PRKCA: variants seen among roughly 807,000 people sequenced by gnomAD.
PRKCA encodes protein kinase C alpha, also known as protein kinase C alpha type.
In PRKCA, 27 loss-of-function variants were observed where a neutral mutation model predicts 87.0. That is an observed-to-expected ratio of 0.31 (90% CI 0.23 to 0.43). PRKCA has a LOEUF of 0.43. Among genes scored for constraint, PRKCA ranks in the 20% least tolerant of loss-of-function variants. PRKCA has a pLI of 1.00. For synonymous variants in PRKCA, 329 were observed against 311.1 expected, an observed-to-expected ratio of 1.06 and a Z score of -0.61; for missense variants, 518 against 852.3, an observed-to-expected ratio of 0.61 and a Z score of 4.88.
intron 5 of PRKCA, among the ~76,000 whole-genome samples, chr17:66,670,880 A>T (rs1567967335): frequency 6.6e-6 from 1 of 152,074 alleles, no homozygotes; most frequent in Non-Finnish European, 1.5e-5. Context: ...ATTTAAAAAA[A>T]TTATAGAAAA....
chr17:66,623,211 C>T (rs192881771), intron 3 of PRKCA, among the ~76,000 whole-genome samples: 1 of 152,268 alleles, frequency 6.6e-6, no homozygotes, highest in East Asian at 1.9e-4. Flanking sequence ...TAGAATTTTC[C>T]TCAGTGGATA....
chr17:66,791,776 A>G (rs4791037), intron 16 of PRKCA, among the ~76,000 whole-genome samples: 19,654 of 152,222 alleles, frequency 0.13, 2,341 homozygotes, highest in African/African-American at 0.31. Flanking sequence ...AAAAGCAACC[A>G]AAGTCGAAGC....
chr17:66,368,341 T>C (rs1598619527), intron 2 of PRKCA, among the ~76,000 whole-genome samples: 1 of 1,306 alleles, frequency 7.7e-4, no homozygotes, highest in Non-Finnish European at 2.4e-3. Context: ...TGTATATATG[T>C]GTGTGTGTGT....
intron 5 of PRKCA, among the ~76,000 whole-genome samples, chr17:66,673,528 A>G (rs1972248500): frequency 6.6e-6 from 1 of 152,206 alleles, no homozygotes; most frequent in African/African-American, 2.4e-5. Flanking sequence ...TGTCTCTGGT[A>G]ATAAGGAAAC....
intron 3 of PRKCA, among the ~76,000 whole-genome samples, chr17:66,581,681 T>C (rs1404489848): frequency 2.0e-5 from 3 of 152,116 alleles, no homozygotes. Flanking sequence ...TTCACCGTTT[T>C]AGCCAGGATG....
chr17:66,436,735 G>A (rs1913414193), intron 2 of PRKCA, among the ~76,000 whole-genome samples: 1 of 152,182 alleles, frequency 6.6e-6, no homozygotes, highest in Non-Finnish European at 1.5e-5. Flanking sequence ...TACCTCTGTG[G>A]ATTGGTGGGA....
intron 4 of PRKCA, among the ~76,000 whole-genome samples, chr17:66,642,010 C>G (rs1017299235): frequency 6.6e-6 from 1 of 152,050 alleles, no homozygotes; most frequent in African/African-American, 2.4e-5. Flanking sequence ...TAGCCTGGCT[C>G]AAAACGCTGA....
intron 3 of PRKCA, among the ~76,000 whole-genome samples, chr17:66,628,091 G>T (rs1970908935): frequency 6.6e-6 from 1 of 151,682 alleles, no homozygotes; most frequent in South Asian, 2.1e-4. Context: ...TGTAAAACTG[G>T]TTACTGGCAA....
In PRKCA at chr17:66,805,082, A is replaced by G. The variant is rs998428433; in HGVS notation, c.*1045A>G. On this transcript the variant is annotated 3_prime_UTR_variant, in exon 17 of 17. Coordinates refer to ENST00000413366, the MANE Select transcript of PRKCA (RefSeq NM_002737.3). ...AGTGCTGACTCTAGCATCAGCCTCT[A>G]CCGATTGATTTTCCTCCCTTCTCTA... 5.1e-6 allele frequency: 5 copies of G among 983,172 alleles called. No homozygotes were observed. Among genetic ancestry groups the G allele is most frequent in the Non-Finnish European group, 6.0e-6 (5 of 827,984 alleles). 60.9% of individuals were successfully genotyped at this position (983,172 alleles called of 1,614,324 possible). A position where few individuals can be genotyped will look rare whatever the true frequency, so the allele number is the denominator to read the frequency against.
At position 66,700,116 on chromosome 17, in the gene PRKCA, AG is replaced by A. The variant is rs1406964990; in HGVS notation, c.918+11071del. 5.3e-5 allele frequency among the ~76,000 whole-genome samples: 8 copies of A among 152,252 alleles called. No homozygotes were observed. The East Asian group carries it at 1.5e-3, about 29-fold the overall frequency. ...ATTTAAAGGATGATATGCTGTGATC[AG>A]GTGGGATTTATTCCTGTGATACAAG... On this transcript the variant is annotated intron_variant, in intron 8 of 16. Transcript: ENST00000413366.
At chr17:66,448,320 AATG>A (rs758425871) in intron 2 of PRKCA, among the ~76,000 whole-genome samples, 30 of 152,158 alleles carry the variant, frequency 2.0e-4, no homozygotes, top group Non-Finnish European at 8.8e-5. Flanking sequence ...TGTTAAAGGG[AATG>A]ATGAATTTTG....
chr17:66,628,873 A>T (rs1466523363), intron 3 of PRKCA, among the ~76,000 whole-genome samples: 1 of 152,020 alleles, frequency 6.6e-6, no homozygotes, highest in Non-Finnish European at 1.5e-5. Context: ...CTAAAAATAC[A>T]AAAAAATTAG....
chr17:66,705,469 C>T (rs967526788), intron 8 of PRKCA, among the ~76,000 whole-genome samples: 3 of 152,164 alleles, frequency 2.0e-5, no homozygotes, highest in Admixed American at 2.0e-4. Context: ...TAATTTGTCT[C>T]GAGGAAATAA....
chr17:66,713,086 C>G (rs866622554), intron 8 of PRKCA, among the ~76,000 whole-genome samples: 5 of 128,672 alleles, frequency 3.9e-5, no homozygotes, highest in Admixed American at 9.0e-5. Flanking sequence ...GAGTCTCACT[C>G]TGTTGCCCAG....
At chr17:66,587,911 A>G (rs868530598) in intron 3 of PRKCA, among the ~76,000 whole-genome samples, 20,318 of 104,786 alleles carry the variant, frequency 0.19, 4,188 homozygotes, top group African/African-American at 0.41. Flanking sequence ...ATATATATAT[A>G]TATATATATA....
At chr17:66,420,333 G>A (rs978790826) in intron 2 of PRKCA, among the ~76,000 whole-genome samples, 3 of 152,112 alleles carry the variant, frequency 2.0e-5, no homozygotes, top group Non-Finnish European at 4.4e-5. Flanking sequence ...TAAAGTTTAT[G>A]AAGCATCAGC....
intron 13 of PRKCA, among the ~76,000 whole-genome samples, chr17:66,769,161 A>G (rs1974876473): frequency 6.6e-6 from 1 of 152,012 alleles, no homozygotes. Context: ...ATCCCAACAC[A>G]CCTATGCAAC....
intron 1 of PRKCA, among the ~76,000 whole-genome samples, chr17:66,303,280 CCCTCTCCGGGCCGGGCCCCTCA>C (rs1209007471): frequency 6.6e-6 from 1 of 151,922 alleles, no homozygotes; most frequent in Non-Finnish European, 1.5e-5. Context: ...CGAAGGGGAT[CCCTCTCCGGGCCGGGCCCCTCA>C]CCTCCCCGGG....
intron 3 of PRKCA, among the ~76,000 whole-genome samples, chr17:66,618,901 A>G (rs1328074797): frequency 6.8e-6 from 1 of 146,156 alleles, no homozygotes; most frequent in African/African-American, 2.5e-5. Context: ...TCACCTACCC[A>G]TTGATTATCA....
Sources: gnomAD v4.1 joint callset for allele counts (sites outside exome capture counted in the v4.1 genomes callset) on GRCh38, gnomAD v4.1.1 for gene constraint, MANE v1.5 for transcripts, NCBI Gene and HGNC (gene_info 2026-07-23, HGNC 2026-07-21) for gene names.